The following PTPN4 variants were observed in gnomAD, a reference collection of about 807,000 sequenced individuals.
The protein encoded by PTPN4 is protein tyrosine phosphatase non-receptor type 4, also known as tyrosine-protein phosphatase non-receptor type 4.
PTPN4 carries 49 observed loss-of-function variants against 135.5 expected under a neutral mutation model. That is an observed-to-expected ratio of 0.36 (90% CI 0.29 to 0.46). PTPN4 has a LOEUF of 0.46. Among genes scored for constraint, PTPN4 ranks in the 20% least tolerant of loss-of-function variants. The pLI is 1.00. For synonymous variants in PTPN4, 333 were observed against 369.9 expected (o/e 0.90, Z 1.14); for missense variants, 860 against 1,101.0 (o/e 0.78, Z 3.10).
chr2:119,939,805 A>G (rs188707685), intron 15 of PTPN4, among the ~76,000 whole-genome samples: 9 of 152,220 alleles, frequency 5.9e-5, no homozygotes, highest in African/African-American at 1.7e-4. Flanking sequence ...CCCAATTCCT[A>G]TTCCAGTCTT....
At chr2:119,947,398 T>A (rs1480216529) in intron 18 of PTPN4, among the ~76,000 whole-genome samples, 1 of 152,084 alleles carries the variant, frequency 6.6e-6, no homozygotes, top group African/African-American at 2.4e-5. Flanking sequence ...TGTTATGTGG[T>A]TTTGGTTCTG....
chr2:119,904,701 A>G (rs1417201696), intron 10 of PTPN4, among the ~76,000 whole-genome samples: 1 of 152,214 alleles, frequency 6.6e-6, no homozygotes, highest in East Asian at 1.9e-4. Flanking sequence ...GCAGATTCCT[A>G]ATCAAAAACC....
At chr2:119,808,424 A>G (rs1691520712) in intron 1 of PTPN4, among the ~76,000 whole-genome samples, 1 of 152,198 alleles carries the variant, frequency 6.6e-6, no homozygotes, top group Non-Finnish European at 1.5e-5. Flanking sequence ...GCATTCCTAT[A>G]CACCAATAAC....
At chr2:119,852,313 CAG>C (rs1186141857) in intron 2 of PTPN4, among the ~76,000 whole-genome samples, 1 of 152,222 alleles carries the variant, frequency 6.6e-6, no homozygotes, top group African/African-American at 2.4e-5. Flanking sequence ...CCCCAGCCAA[CAG>C]GGGAAGGACA....
intron 1 of PTPN4, among the ~76,000 whole-genome samples, chr2:119,779,661 G>A (rs2104927242): frequency 6.6e-6 from 1 of 152,014 alleles, no homozygotes; most frequent in Non-Finnish European, 1.5e-5. Context: ...TACTTTTTCG[G>A]TGGGTAATTG....
At chr2:119,961,489 G>A (rs1260887518) in intron 23 of PTPN4, among the ~76,000 whole-genome samples, 1 of 152,128 alleles carries the variant, frequency 6.6e-6, no homozygotes, top group Non-Finnish European at 1.5e-5. Context: ...CAGCCATTTT[G>A]GAAAACAGTC....
chr2:119,762,400 T>A (rs964258564), intron 1 of PTPN4, among the ~76,000 whole-genome samples: 1 of 152,160 alleles, frequency 6.6e-6, no homozygotes, highest in Admixed American at 6.5e-5. Context: ...TTTGTATTTT[T>A]AAAATAGTTT....
chr2:119,937,498 G>C (rs946969766), intron 15 of PTPN4, among the ~76,000 whole-genome samples: 2 of 152,158 alleles, frequency 1.3e-5, no homozygotes, highest in Admixed American at 6.5e-5. Context: ...CATGTGAATT[G>C]GATGGTTAAA....
chr2:119,941,133 T>C (rs1051159003), intron 15 of PTPN4, among the ~76,000 whole-genome samples: 3 of 152,182 alleles, frequency 2.0e-5, no homozygotes, highest in Non-Finnish European at 4.4e-5. Context: ...ATAGTATTGT[T>C]TTTAAGAATT....
At chr2:119,950,840 A>G (rs924826128) in intron 18 of PTPN4, among the ~76,000 whole-genome samples, 1 of 152,216 alleles carries the variant, frequency 6.6e-6, no homozygotes, top group African/African-American at 2.4e-5. Flanking sequence ...AAAAATGACC[A>G]TGCAAGATGA....
intron 1 of PTPN4, among the ~76,000 whole-genome samples, chr2:119,772,633 G>C (rs1690755708): frequency 6.6e-6 from 1 of 152,186 alleles, no homozygotes; most frequent in South Asian, 2.1e-4. Flanking sequence ...TGCCTTCTGG[G>C]TTCCAGTGAT....
intron 25 of PTPN4, 101 bp from the exon 26 acceptor site, chr2:119,967,736 A>ATAT: frequency 1.0e-6 from 1 of 953,400 alleles, no homozygotes; most frequent in Non-Finnish European, 1.5e-6. Context: ...TATTAAAATG[A>ATAT]TATTGTTCTT....
chr2:119,793,846 GTTTTTTTTT>G (rs55956611), intron 1 of PTPN4, among the ~76,000 whole-genome samples: 15 of 24,802 alleles, frequency 6.0e-4, no homozygotes, highest in Non-Finnish European at 5.1e-4. Context: ...TTCATTTTTA[GTTTTTTTTT>G]TTTTTTTTTT....
intron 26 of PTPN4, among the ~76,000 whole-genome samples, chr2:119,968,531 C>T (rs1679477565): frequency 6.6e-6 from 1 of 151,704 alleles, no homozygotes; most frequent in Non-Finnish European, 1.5e-5. Flanking sequence ...GTAGCTCACG[C>T]CTGTAATCCC....
chr2:119,777,085 G>A (rs1280245515), intron 1 of PTPN4, among the ~76,000 whole-genome samples: 3 of 152,158 alleles, frequency 2.0e-5, no homozygotes, highest in Non-Finnish European at 1.5e-5. Flanking sequence ...TGTGGACCTG[G>A]CTGTCTCTCT....
intron 3 of PTPN4, among the ~76,000 whole-genome samples, chr2:119,868,668 C>G (rs534120651): frequency 7.9e-5 from 12 of 152,354 alleles, no homozygotes; most frequent in South Asian, 4.1e-4. Flanking sequence ...CATGAGTGAT[C>G]TGTGCCTTAA....
At chr2:119,959,347 G>A (rs1248586391) in intron 22 of PTPN4, among the ~76,000 whole-genome samples, 2 of 152,084 alleles carry the variant, frequency 1.3e-5, no homozygotes, top group Admixed American at 6.5e-5. Flanking sequence ...AAGTGCAAAT[G>A]AAAACTTCAA....
At chr2:119,895,624 CA>C (rs1462643025) in intron 9 of PTPN4, among the ~76,000 whole-genome samples, 2 of 147,714 alleles carry the variant, frequency 1.4e-5, no homozygotes, top group Non-Finnish European at 1.5e-5. Flanking sequence ...GACTCCATCT[CA>C]AAAAAAAAGA....
At chr2:119,860,596 A>G (rs1339862790) in intron 2 of PTPN4, among the ~76,000 whole-genome samples, 2 of 152,192 alleles carry the variant, frequency 1.3e-5, no homozygotes, top group African/African-American at 2.4e-5. Context: ...TGTTTCATCC[A>G]TAAGTTTGAA....
Sources: allele counts gnomAD v4.1 joint callset (sites outside exome capture counted in the v4.1 genomes callset), GRCh38; gene constraint gnomAD v4.1.1; transcripts MANE v1.5; gene names NCBI Gene and HGNC (gene_info 2026-07-23, HGNC 2026-07-21).